CTNND2: variants seen among roughly 807,000 people sequenced by gnomAD.
CTNND2 encodes catenin delta-2.
CTNND2 carries 22 observed loss-of-function variants against 144.4 expected under a neutral mutation model. That is an observed-to-expected ratio of 0.15 (90% CI 0.11 to 0.22). The LOEUF (loss-of-function observed/expected upper bound fraction) is 0.22, where lower values mean the gene tolerates loss of function less well. CTNND2 is among the 10% of genes least tolerant of loss of function. The pLI is 1.00. For synonymous variants in CTNND2, 751 were observed against 695.6 expected, an observed-to-expected ratio of 1.08 and a Z score of -1.25; for missense variants, 1,353 against 1,618.8, an observed-to-expected ratio of 0.84 and a Z score of 2.82.
chr5:10,998,347 G>T (rs978921444), intron 18 of CTNND2, among the ~76,000 whole-genome samples: 1 of 152,082 alleles, frequency 6.6e-6, no homozygotes. Context: ...AGGGGAGAAG[G>T]GAGCTTAAGG....
chr5:11,794,361 G>T (rs4702829), intron 1 of CTNND2, among the ~76,000 whole-genome samples: 1 of 152,200 alleles, frequency 6.6e-6, no homozygotes, highest in East Asian at 1.9e-4. Flanking sequence ...GTGTATCAAC[G>T]TGAAACACAA....
chr5:11,149,219 CT>C (rs1298970054), intron 12 of CTNND2, among the ~76,000 whole-genome samples: 17 of 152,232 alleles, frequency 1.1e-4, no homozygotes, highest in African/African-American at 3.9e-4. Context: ...CTGACTCTAA[CT>C]TGTGCAAAAT....
At chr5:11,110,633 CTTTTTT>C (rs1348315977) in intron 14 of CTNND2, among the ~76,000 whole-genome samples, 1 of 152,076 alleles carries the variant, frequency 6.6e-6, no homozygotes, top group South Asian at 2.1e-4. Context: ...GTCTTTTTTT[CTTTTTT>C]AAGTAATTTC....
intron 1 of CTNND2, among the ~76,000 whole-genome samples, chr5:11,813,686 A>G (rs1344993569): frequency 2.6e-5 from 4 of 152,164 alleles, no homozygotes; most frequent in African/African-American, 9.7e-5. Flanking sequence ...ATTTATTTAG[A>G]AATTTTTTGT....
chr5:11,899,543 A>AG, intron 1 of CTNND2, among the ~76,000 whole-genome samples: 2 of 152,296 alleles, frequency 1.3e-5, no homozygotes, highest in Admixed American at 1.3e-4. Flanking sequence ...ATATTACAAT[A>AG]GGGGTTGGGG....
chr5:11,558,034 A>G (rs1166321556), intron 3 of CTNND2, among the ~76,000 whole-genome samples: 1 of 152,256 alleles, frequency 6.6e-6, no homozygotes, highest in African/African-American at 2.4e-5. Context: ...AATTATTTCA[A>G]TAATTAACAA....
At chr5:11,102,876 T>C (rs1580291531) in intron 14 of CTNND2, among the ~76,000 whole-genome samples, 1 of 151,976 alleles carries the variant, frequency 6.6e-6, no homozygotes, top group Admixed American at 6.6e-5. Flanking sequence ...GTGCTCAATG[T>C]GTATGTTACA....
rs576615066 is a variant in CTNND2, at chr5:11,599,488, T to C, written c.175-34432A>G. Reference sequence around the variant, plus strand: ...TTGGAGTTTTGAAAAAGTAACTCCTTTTGTGTATGAAATTTTGAAGTTGCC... The same window carrying C: ...TTGGAGTTTTGAAAAAGTAACTCCTCTTGTGTATGAAATTTTGAAGTTGCC... On this transcript the variant is annotated intron_variant, in intron 2 of 21. Transcript: ENST00000304623. 9.9e-5 allele frequency among the ~76,000 whole-genome samples: 15 copies of C among 152,284 alleles called. No homozygotes were observed. In the East Asian group the frequency reaches 2.5e-3, roughly 25 times the overall value.
intron 16 of CTNND2, among the ~76,000 whole-genome samples, chr5:11,081,539 T>C (rs1749572485): frequency 6.6e-6 from 1 of 152,182 alleles, no homozygotes; most frequent in Non-Finnish European, 1.5e-5. Flanking sequence ...TTGGAAATGC[T>C]CATTGGAGCA....
intron 1 of CTNND2, among the ~76,000 whole-genome samples, chr5:11,806,715 TA>T (rs768709144): frequency 4.8e-4 from 73 of 152,092 alleles, no homozygotes; most frequent in Non-Finnish European, 9.7e-4. Flanking sequence ...TGGGGAAATC[TA>T]AAAAGTTAAT....
intron 1 of CTNND2, among the ~76,000 whole-genome samples, chr5:11,870,091 G>C (rs1326293424): frequency 1.3e-5 from 2 of 152,140 alleles, no homozygotes; most frequent in Non-Finnish European, 1.5e-5. Context: ...CCTAGCAAAA[G>C]AGCCCAATGG....
chr5:11,575,685 T>C (rs1452819895), intron 2 of CTNND2, among the ~76,000 whole-genome samples: 2 of 152,184 alleles, frequency 1.3e-5, no homozygotes, highest in African/African-American at 2.4e-5. Flanking sequence ...GTACTCGACT[T>C]GACCTGGTAA....
chr5:11,696,795 G>C (rs1225675215), intron 2 of CTNND2, among the ~76,000 whole-genome samples: 1 of 152,168 alleles, frequency 6.6e-6, no homozygotes, highest in African/African-American at 2.4e-5. Flanking sequence ...CCAGTAATTA[G>C]CAACTGACAT....
At chr5:11,050,241 C>T (rs1745692791) in intron 16 of CTNND2, among the ~76,000 whole-genome samples, 1 of 152,178 alleles carries the variant, frequency 6.6e-6, no homozygotes, top group Non-Finnish European at 1.5e-5. Context: ...ATAACACCTT[C>T]CCTACAAGAA....
rs144145805 is a variant in CTNND2, at chr5:11,446,135, C to T, written c.288-34066G>A. On this transcript the variant is annotated intron_variant, in intron 3 of 21. Transcript: ENST00000304623. ...CACAGGTGTGCACCACCAAACACAA[C>T]TAATTTTTGTATTTTTTAGTAGAGA... Among the ~76,000 whole-genome samples the T allele has an allele frequency of 3.3e-5, 5 of 152,278 alleles. No individual in the cohort carries two copies. In the East Asian group the frequency reaches 9.7e-4, roughly 30 times the overall value.
At chr5:11,781,019 T>A (rs4702827) in intron 1 of CTNND2, among the ~76,000 whole-genome samples, 134,397 of 152,264 alleles carry the variant, frequency 0.88, 61,215 homozygotes, top group South Asian at 0.99. Context: ...TTAGCCTTTG[T>A]TCCAAGCCAA....
chr5:11,335,662 A>C (rs547892162), intron 9 of CTNND2, among the ~76,000 whole-genome samples: 2 of 152,306 alleles, frequency 1.3e-5, no homozygotes, highest in South Asian at 4.1e-4. Flanking sequence ...CGGGGAACCT[A>C]AGGCCAATTC....
intron 9 of CTNND2, among the ~76,000 whole-genome samples, chr5:11,240,141 AACACACACACACATTC>A (rs1448460267): frequency 2.9e-5 from 4 of 139,034 alleles, no homozygotes; most frequent in Admixed American, 2.2e-4. Context: ...ACACACACCC[AACACACACACACATTC>A]ACACACACAC....
chr5:11,723,320 A>T (rs1243658492), intron 2 of CTNND2, among the ~76,000 whole-genome samples: 1 of 152,170 alleles, frequency 6.6e-6, no homozygotes, highest in Non-Finnish European at 1.5e-5. Flanking sequence ...CTCATATTAA[A>T]CTGAAAATAT....
Sources: gnomAD v4.1 joint callset for allele counts (sites outside exome capture counted in the v4.1 genomes callset) on GRCh38, gnomAD v4.1.1 for gene constraint, MANE v1.5 for transcripts, NCBI Gene and HGNC (gene_info 2026-07-23, HGNC 2026-07-21) for gene names.